The following FGD4 variants were observed in gnomAD, a reference collection of about 807,000 sequenced individuals.
FGD4 encodes FYVE, RhoGEF and PH domain-containing protein 4.
Under a neutral mutation model 102.0 loss-of-function variants are expected in FGD4, and 42 were observed. That is an observed-to-expected ratio of 0.41 (90% CI 0.32 to 0.53). The LOEUF is 0.53. Ranked by LOEUF, FGD4 falls within the 20% of genes least tolerant of loss-of-function variation. FGD4 has a pLI of 0.21. For synonymous variants in FGD4, 380 were observed against 375.7 expected (o/e 1.01, Z -0.13); for missense variants, 902 against 1,078.2 (o/e 0.84, Z 2.29).
intron 7 of FGD4, among the ~76,000 whole-genome samples, chr12:32,603,747 G>A (rs566291097): frequency 6.6e-6 from 1 of 151,678 alleles, no homozygotes; most frequent in Non-Finnish European, 1.5e-5. Flanking sequence ...TTGTCACCCA[G>A]GCTAGAGTGC....
intron 1 of FGD4, among the ~76,000 whole-genome samples, chr12:32,470,221 T>C (rs1943378646): frequency 6.6e-6 from 1 of 152,100 alleles, no homozygotes. Context: ...AAGTTCCATA[T>C]ATGCCATCTC....
In FGD4 at chr12:32,578,140, A is replaced by AT. The variant is rs990078574; in HGVS notation, c.503+1700dup. 3.8e-4 allele frequency among the ~76,000 whole-genome samples: 58 copies of AT among 151,768 alleles called. No individual in the cohort carries two copies. The South Asian group carries it at 7.5e-3, about 20-fold the overall frequency. ...AAGGAAAAATGTGCTATAATTTATG[A>AT]TTTTTTTTTAAGCAAGTTTGTTCCG... On this transcript the variant is annotated intron_variant, in intron 3 of 16. Coordinates refer to ENST00000534526, the MANE Select transcript of FGD4 (RefSeq NM_001370298.3).
chr12:32,472,638 G>A (rs998849196), intron 1 of FGD4, among the ~76,000 whole-genome samples: 7 of 152,218 alleles, frequency 4.6e-5, no homozygotes, highest in East Asian at 1.9e-4. Flanking sequence ...GCTCCACGGC[G>A]CCCAGTCCCA....
chr12:32,534,256 G>GGGAGGTGT, intron 1 of FGD4: 1 of 1,273,332 alleles, frequency 7.9e-7, no homozygotes, highest in African/African-American at 1.5e-5. Context: ...CCGTCCTCTG[G>GGGAGGTGT]GGAGGTGTGG....
chr12:32,505,771 A>G (rs2136643702), intron 1 of FGD4, among the ~76,000 whole-genome samples: 1 of 152,262 alleles, frequency 6.6e-6, no homozygotes, highest in Admixed American at 6.5e-5. Context: ...GAATTTACTG[A>G]CTTCCTGTGT....
Position 32,399,674 on chromosome 12 carries a change from G to C in FGD4, c.-120G>C, listed in dbSNP as rs996500613. 38 of 1,449,230 alleles carry C rather than the reference G, an allele frequency of 2.6e-5. No individual in the cohort carries two copies. Among genetic ancestry groups the C allele is most frequent in the Non-Finnish European group, 3.1e-5 (35 of 1,111,476 alleles). The allele number at this position is 1,449,230 out of a possible 1,614,324, so 89.8% of individuals were successfully genotyped here. ...AGGAGGCACTCGCTGAGGAGACGCC[G>C]CAGTAGAGGGCGCCCCCGGAGTCGC... On this transcript the variant is annotated 5_prime_UTR_variant, in exon 1 of 17. Coordinates refer to ENST00000534526, the MANE Select transcript of FGD4 (RefSeq NM_001370298.3).
chr12:32,616,927 A>G (rs941505924), intron 10 of FGD4, among the ~76,000 whole-genome samples: 1 of 152,224 alleles, frequency 6.6e-6, no homozygotes, highest in African/African-American at 2.4e-5. Context: ...CGGGGCTGGC[A>G]TCTGGTGAGG....
chr12:32,483,886 T>G (rs1943824951), intron 1 of FGD4, among the ~76,000 whole-genome samples: 1 of 152,162 alleles, frequency 6.6e-6, no homozygotes, highest in Non-Finnish European at 1.5e-5. Context: ...ATGAACATAC[T>G]GTGTATTACT....
At chr12:32,451,910 A>C (rs927792646) in intron 1 of FGD4, among the ~76,000 whole-genome samples, 1 of 151,848 alleles carries the variant, frequency 6.6e-6, no homozygotes, top group Non-Finnish European at 1.5e-5. Flanking sequence ...AGATAACAAT[A>C]ACAGAGTTTC....
At chr12:32,535,116 A>G (rs1305793354) in intron 1 of FGD4, among the ~76,000 whole-genome samples, 1 of 152,244 alleles carries the variant, frequency 6.6e-6, no homozygotes, top group Non-Finnish European at 1.5e-5. Flanking sequence ...AGTCTTTGAA[A>G]TAGAAATGTA....
intron 1 of FGD4, among the ~76,000 whole-genome samples, chr12:32,438,937 T>A (rs116775403): frequency 0.011 from 1,632 of 152,306 alleles, 28 homozygotes; most frequent in African/African-American, 0.037. Flanking sequence ...ATGAATACGT[T>A]GTGGAATGAT....
intron 13 of FGD4, among the ~76,000 whole-genome samples, chr12:32,625,451 G>A (rs532085483): frequency 5.3e-5 from 8 of 151,776 alleles, no homozygotes; most frequent in Admixed American, 3.9e-4. Flanking sequence ...TGTATTTTTA[G>A]TAGAGAGAGG....
intron 1 of FGD4, among the ~76,000 whole-genome samples, chr12:32,498,303 A>T (rs1937948567): frequency 6.6e-6 from 1 of 152,204 alleles, no homozygotes; most frequent in Admixed American, 6.5e-5. Context: ...GTTCCCTTTT[A>T]AAAAATATTT....
intron 1 of FGD4, among the ~76,000 whole-genome samples, chr12:32,465,615 C>T (rs1943231743): frequency 6.6e-6 from 1 of 152,002 alleles, no homozygotes; most frequent in Admixed American, 6.6e-5. Context: ...TTGCAGTGAG[C>T]TGAGATCGCG....
chr12:32,529,415 G>A (rs772881747), intron 1 of FGD4, among the ~76,000 whole-genome samples: 10 of 151,916 alleles, frequency 6.6e-5, no homozygotes, highest in South Asian at 2.1e-4. Context: ...GTGAGCCACC[G>A]CGCCTGGCCT....
chr12:32,636,265 G>T (rs1375162223), intron 15 of FGD4, among the ~76,000 whole-genome samples: 1 of 152,114 alleles, frequency 6.6e-6, no homozygotes, highest in Non-Finnish European at 1.5e-5. Context: ...GCCAGGTGCG[G>T]TGTGGCTCAC....
intron 1 of FGD4, among the ~76,000 whole-genome samples, chr12:32,493,420 A>G (rs1944179372): frequency 2.0e-5 from 3 of 152,132 alleles, no homozygotes; most frequent in Admixed American, 6.5e-5. Flanking sequence ...TGGTAATCTG[A>G]TGAGCCAGGG....
In FGD4 at chr12:32,626,022, T is replaced by C. The variant is rs148499270; in HGVS notation, c.2172+243T>C. Among the ~76,000 whole-genome samples, 275 of 152,294 alleles carry C rather than the reference T, an allele frequency of 1.8e-3. 2 individuals are homozygous for C. The highest frequency in any genetic ancestry group is 6.4e-3 in the African/African-American group (264 of 41,562). On this transcript the variant is annotated intron_variant, in intron 14 of 16. Coordinates refer to ENST00000534526, the MANE Select transcript of FGD4 (RefSeq NM_001370298.3). ...GACAAATAAGAATTTCAAATTACTA[T>C]AGATGAAATAAAAAAGCAATTGAGA...
At chr12:32,631,827 A>G (rs1249492119) in intron 14 of FGD4, among the ~76,000 whole-genome samples, 1 of 152,098 alleles carries the variant, frequency 6.6e-6, no homozygotes, top group Non-Finnish European at 1.5e-5. Flanking sequence ...TATCAGGGTA[A>G]GACTTTTAAA....
Sources: allele counts gnomAD v4.1 joint callset (sites outside exome capture counted in the v4.1 genomes callset), GRCh38; gene constraint gnomAD v4.1.1; transcripts MANE v1.5; gene names NCBI Gene and HGNC (gene_info 2026-07-23, HGNC 2026-07-21).